Variants in PTPN14 observed in about 807,000 individuals in gnomAD.
PTPN14 encodes the protein protein tyrosine phosphatase non-receptor type 14.
PTPN14 carries 53 observed loss-of-function variants against 126.8 expected under a neutral mutation model. That is an observed-to-expected ratio of 0.42 (90% CI 0.34 to 0.53). PTPN14 has a LOEUF of 0.53. PTPN14 is among the 20% of genes least tolerant of loss of function. The pLI is 0.08. For synonymous variants in PTPN14, 630 were observed against 599.3 expected, an observed-to-expected ratio of 1.05 and a Z score of -0.75; for missense variants, 1,257 against 1,552.9, an observed-to-expected ratio of 0.81 and a Z score of 3.20.
intron 1 of PTPN14, among the ~76,000 whole-genome samples, chr1:214,549,186 C>T (rs140579904): frequency 2.6e-4 from 40 of 152,272 alleles, no homozygotes; most frequent in African/African-American, 9.4e-4. Context: ...TCAGCCAGGA[C>T]TCAGCCACTA....
intron 8 of PTPN14, among the ~76,000 whole-genome samples, chr1:214,395,227 A>C (rs1419101276): frequency 6.6e-6 from 1 of 152,184 alleles, no homozygotes; most frequent in Non-Finnish European, 1.5e-5. Flanking sequence ...TTTCTTTGTG[A>C]CTAGCAATGA....
chr1:214,369,618 T>C lies in PTPN14; in HGVS notation c.3110A>G (p.Lys1037Arg). 2 of 1,614,212 alleles carry C rather than the reference T, an allele frequency of 1.2e-6. No individual in the cohort carries two copies. The highest frequency in any genetic ancestry group is 1.7e-6 in the Non-Finnish European group (2 of 1,180,034). ...TCGAAACTTCGTGGTGACCTTGAAC[T>C]TGCCATAGGTGGCTGAGCTGTGCTT... The part of the protein sequence containing the change: ...GSKHSSATYG[K>R]FKVTTKFRTD... Residue 1037 changes from lysine to arginine, a missense_variant, in exon 17 of 19, where the codon AAG (lysine) becomes AGG (arginine). Physicochemically the swap from Lys to Arg is conservative, Grantham distance 26. Transcript: ENST00000366956.
intron 10 of PTPN14, among the ~76,000 whole-genome samples, chr1:214,391,376 C>A (rs1166169629): frequency 6.6e-6 from 1 of 151,746 alleles, no homozygotes; most frequent in African/African-American, 2.4e-5. Flanking sequence ...AAATTGTACT[C>A]TTTCTACTGT....
chr1:214,500,064 T>G (rs561774636), intron 1 of PTPN14, among the ~76,000 whole-genome samples: 1 of 151,778 alleles, frequency 6.6e-6, no homozygotes, highest in Non-Finnish European at 1.5e-5. Context: ...ATGTGGGACA[T>G]TTTCTCATTC....
At chr1:214,507,064 CA>C (rs2102438875) in intron 1 of PTPN14, among the ~76,000 whole-genome samples, 1 of 151,856 alleles carries the variant, frequency 6.6e-6, no homozygotes, top group Middle Eastern at 3.4e-3. Flanking sequence ...CTTTCTTTAC[CA>C]AGAATGAGTC....
chr1:214,501,768 T>C (rs1486164147), intron 1 of PTPN14, among the ~76,000 whole-genome samples: 2 of 152,138 alleles, frequency 1.3e-5, no homozygotes, highest in Non-Finnish European at 2.9e-5. Flanking sequence ...ACTTCAAAAG[T>C]TATTTTTTAG....
At chr1:214,454,603 T>C (rs759310505) in intron 2 of PTPN14, among the ~76,000 whole-genome samples, 1 of 151,970 alleles carries the variant, frequency 6.6e-6, no homozygotes, top group Non-Finnish European at 1.5e-5. Flanking sequence ...TACACACATA[T>C]GGATATGTTG....
intron 3 of PTPN14, among the ~76,000 whole-genome samples, chr1:214,446,726 T>A (rs1660153828): frequency 6.7e-6 from 1 of 149,618 alleles, no homozygotes; most frequent in African/African-American, 2.6e-5. Flanking sequence ...TATGGGTTCA[T>A]ATACACAGCA....
In PTPN14 at chr1:214,435,898, T is replaced by C. The variant is rs191098040; in HGVS notation, c.344+15907A>G. Among the ~76,000 whole-genome samples, 311 of 152,304 alleles carry C rather than the reference T, an allele frequency of 2.0e-3. 1 individual carries two copies. Among genetic ancestry groups the C allele is most frequent in the African/African-American group, 7.3e-3 (303 of 41,548 alleles). The stretch of plus-strand genomic sequence containing the variant: ...CCCAGCAATCTCATTATGGGGTATA[T>C]ACCCAAAGCAATATAAATCATTCCA... On this transcript the variant is annotated intron_variant, in intron 3 of 18. Transcript: ENST00000366956.
At position 214,451,996 on chromosome 1, in the gene PTPN14, C is replaced by A. The variant is rs371789817; in HGVS notation, c.175-22G>T. ...GCGTCTAGATAAAAGGGTAAAATAG[C>A]ATCAGTTCATGCTCACCACAAGCAT... On this transcript the variant is annotated intron_variant, in intron 2 of 18. Transcript: ENST00000366956. The A allele has an allele frequency of 1.5e-4, 243 of 1,604,496 alleles. No homozygotes were observed. In the African/African-American group the frequency reaches 3.1e-3, roughly 20 times the overall value.
At chr1:214,401,404 A>T (rs547898225) in intron 7 of PTPN14, among the ~76,000 whole-genome samples, 1 of 152,260 alleles carries the variant, frequency 6.6e-6, no homozygotes, top group Non-Finnish European at 1.5e-5. Context: ...ATAAGGCTGG[A>T]TATCAGCCTT....
chr1:214,446,517 T>C (rs1660145398), intron 3 of PTPN14, among the ~76,000 whole-genome samples: 2 of 152,164 alleles, frequency 1.3e-5, no homozygotes, highest in South Asian at 4.1e-4. Context: ...TTTAAACCAA[T>C]TTGGACTTGA....
intron 7 of PTPN14, among the ~76,000 whole-genome samples, chr1:214,400,289 A>G (rs1225020187): frequency 6.6e-6 from 1 of 152,176 alleles, no homozygotes; most frequent in Non-Finnish European, 1.5e-5. Flanking sequence ...CTCATCCTTG[A>G]GTCACCAGGA....
In PTPN14 at chr1:214,427,003, C is replaced by T. The variant is rs558913770; in HGVS notation, c.345-12277G>A. Among the ~76,000 whole-genome samples the T allele has an allele frequency of 2.0e-5, 3 of 152,084 alleles. No individual in the cohort carries two copies. The South Asian group carries it at 6.2e-4, about 32-fold the overall frequency. On this transcript the variant is annotated intron_variant, in intron 3 of 18. Transcript: ENST00000366956. ...CCTAAAAAAAATTATGATTACAGGC[C>T]AGCGTGGTGGCTCACGCCTGTAATC...
At position 214,350,068 on chromosome 1, in the gene PTPN14, G is replaced by A. The variant is rs932320115; in HGVS notation, c.*7854C>T. The A allele has an allele frequency of 6.6e-6, 1 of 152,210 alleles. No individual in the cohort carries two copies. Among genetic ancestry groups the A allele is most frequent in the Non-Finnish European group, 1.5e-5 (1 of 68,040 alleles). 9.4% of individuals were successfully genotyped at this position (152,210 alleles called of 1,614,324 possible). The stretch of plus-strand genomic sequence containing the variant: ...CTTTATCCTCTAAAACCTTTTGTCA[G>A]ATGAGATAGCATTTGTGTTTCCCAG... On this transcript the variant is annotated 3_prime_UTR_variant, in exon 19 of 19. Coordinates refer to ENST00000366956, the MANE Select transcript of PTPN14 (RefSeq NM_005401.5).
At chr1:214,528,002 C>G (rs1231472475) in intron 1 of PTPN14, among the ~76,000 whole-genome samples, 1 of 152,142 alleles carries the variant, frequency 6.6e-6, no homozygotes, top group South Asian at 2.1e-4. Flanking sequence ...TACTGAGCAC[C>G]TACCAAGGAT....
chr1:214,392,615 G>A (rs1457761090), intron 10 of PTPN14, among the ~76,000 whole-genome samples: 4 of 152,168 alleles, frequency 2.6e-5, no homozygotes, highest in African/African-American at 9.7e-5. Flanking sequence ...CAAGAGAATG[G>A]TGTGGTGCGG....
At chr1:214,534,691 C>A (rs1019454865) in intron 1 of PTPN14, among the ~76,000 whole-genome samples, 1 of 133,140 alleles carries the variant, frequency 7.5e-6, no homozygotes, top group East Asian at 2.6e-4. Context: ...CCAGCCTGGG[C>A]AACAAAGCAA....
intron 1 of PTPN14, among the ~76,000 whole-genome samples, chr1:214,465,884 T>TTTCAAC (rs1553269107): frequency 2.0e-5 from 3 of 146,698 alleles, no homozygotes; most frequent in African/African-American, 7.6e-5. Flanking sequence ...ATGTCTTATG[T>TTTCAAC]TTTATTATTT....
Sources: gnomAD v4.1 joint callset for allele counts (sites outside exome capture counted in the v4.1 genomes callset) on GRCh38, gnomAD v4.1.1 for gene constraint, MANE v1.5 for transcripts, NCBI Gene and HGNC (gene_info 2026-07-23, HGNC 2026-07-21) for gene names.